The following GBP5 variants were observed in gnomAD, a reference collection of about 807,000 sequenced individuals.
The protein encoded by GBP5 is guanylate-binding protein 5.
GBP5 carries 48 observed loss-of-function variants against 58.2 expected under a neutral mutation model. That is an observed-to-expected ratio of 0.83 (90% CI 0.65 to 1.05). The LOEUF is 1.05. Among genes scored for constraint, GBP5 ranks in the 50% least tolerant of loss-of-function variants. GBP5 has a pLI of 0.00. For missense variants in GBP5, 714 were observed against 686.8 expected (o/e 1.04, Z -0.44); for synonymous variants, 248 against 251.8 (o/e 0.98, Z 0.14).
chr1:89,271,852 C>A (rs1012709005), intron 1 of GBP5: 1 of 152,092 alleles, frequency 6.6e-6, no homozygotes, highest in Non-Finnish European at 1.5e-5. Context: ...AGAAGCAGAA[C>A]CCAACACAAA....
At position 89,272,717 on chromosome 1, in the gene GBP5, C is replaced by G. The variant is rs1333500068; in HGVS notation, c.-393G>C. 6.5e-6 allele frequency: 1 copy of G among 153,384 alleles called. No individual in the cohort carries two copies. The highest frequency in any genetic ancestry group is 1.4e-5 in the Non-Finnish European group (1 of 69,258). The allele number at this position is 153,384 out of a possible 1,614,324, so 9.5% of individuals were successfully genotyped here. ...TCCTCCTGGTGGGTTCGTGGTCTCGCTGGCTTCAGGAGTGAAGCTGCAGAC... is the reference window on the plus strand; with the variant it reads ...TCCTCCTGGTGGGTTCGTGGTCTCGGTGGCTTCAGGAGTGAAGCTGCAGAC... On this transcript the variant is annotated 5_prime_UTR_variant, in exon 1 of 12. Coordinates refer to ENST00000370459, the MANE Select transcript of GBP5 (RefSeq NM_052942.5).
chr1:89,260,592 A>C lies in GBP5; in HGVS notation c.*112T>G. On this transcript the variant is annotated 3_prime_UTR_variant, in exon 12 of 12. Transcript: ENST00000370459. ...TTATAACTCTATATGAAAGTTTGAA[A>C]AAATAATTATAAAGTTTATTTAAAT... The C allele has an allele frequency of 1.4e-6, 1 of 695,194 alleles. No individual in the cohort carries two copies. The highest frequency in any genetic ancestry group is 2.5e-6 in the Non-Finnish European group (1 of 401,934). 43.1% of individuals were successfully genotyped at this position (695,194 alleles called of 1,614,324 possible).
In GBP5 at chr1:89,256,597, G is replaced by A. The variant is rs1040834393; in HGVS notation, c.*4107C>T. ...TGCTTTGAAAGGGAACAAAGATTGT[G>A]TTGAAACTGACTGAGACATGGGGTC... On this transcript the variant is annotated 3_prime_UTR_variant, in exon 12 of 12. Transcript: ENST00000370459. Among the ~76,000 whole-genome samples the A allele has an allele frequency of 2.6e-5, 4 of 152,192 alleles. No individual in the cohort carries two copies. The highest frequency in any genetic ancestry group is 9.6e-5 in the African/African-American group (4 of 41,456).
At chr1:89,263,424 T>C in intron 9 of GBP5, 2 of 255,842 alleles carry the variant, frequency 7.8e-6, no homozygotes, top group South Asian at 9.0e-5. Flanking sequence ...GTTTCAAGTA[T>C]TGGCATTCTG....
Position 89,269,591 on chromosome 1 carries a change from G to A in GBP5, c.-19-17C>T. ...TTACTTTGCCTGCAAGGGAACAGAT[G>A]GGATAGGCTGGAATTTCTGGTGTTT... On this transcript the variant is annotated splice_polypyrimidine_tract_variant and intron_variant, in intron 2 of 11. Coordinates refer to ENST00000370459, the MANE Select transcript of GBP5 (RefSeq NM_052942.5). The A allele has an allele frequency of 6.6e-7, 1 of 1,525,500 alleles. No homozygotes were observed. Among genetic ancestry groups the A allele is most frequent in the Non-Finnish European group, 9.0e-7 (1 of 1,107,322 alleles). 94.5% of individuals were successfully genotyped at this position (1,525,500 alleles called of 1,614,324 possible).
Position 89,264,269 on chromosome 1 carries a change from C to T in GBP5, c.1150-321G>A, listed in dbSNP as rs551842501. ...CCTTCCAGTATTTCAGTGTTTTACT[C>T]GGGATTTCCAATGATAAAGTTCGAA... On this transcript the variant is annotated intron_variant, in intron 8 of 11. Transcript: ENST00000370459. 5.9e-5 allele frequency among the ~76,000 whole-genome samples: 9 copies of T among 152,212 alleles called. 1 individual carries two copies. The South Asian group carries it at 6.2e-4, about 11-fold the overall frequency.
At chr1:89,262,556 T>A (rs531061327) in intron 10 of GBP5, 127 bp downstream of exon 10, 3 of 900,140 alleles carry the variant, frequency 3.3e-6, no homozygotes, top group Non-Finnish European at 5.1e-6. Flanking sequence ...CAGTCAGATA[T>A]GCTTGAGGAG....
rs1435464596 is a variant in GBP5 at position 89,257,513 on chromosome 1, G to T, written c.*3191C>A. ...TTAATGTGGGTTCTAAATTCAAAAG[G>T]CCTTCTGTGGTACTGACCTTAATTT... is the stretch of plus-strand genomic sequence containing the variant. On this transcript the variant is annotated 3_prime_UTR_variant, in exon 12 of 12. Transcript: ENST00000370459. 6.6e-6 allele frequency among the ~76,000 whole-genome samples: 1 copy of T among 152,034 alleles called. No individual in the cohort carries two copies. The highest frequency in any genetic ancestry group is 1.5e-5 in the Non-Finnish European group (1 of 68,006).
At chr1:89,262,124 C>G in intron 11 of GBP5, 96 bp downstream of exon 11, 1 of 1,218,316 alleles carries the variant, frequency 8.2e-7, no homozygotes, top group Admixed American at 1.8e-5. Context: ...AGACTCCCTG[C>G]TGAGAGCCAC....
intron 7 of GBP5, 105 bp from the exon 8 acceptor site, chr1:89,265,071 G>C (rs1650159635): frequency 8.8e-7 from 1 of 1,141,746 alleles, no homozygotes. Context: ...GCCTGAAATT[G>C]TTTAGCATTA....
At chr1:89,269,254 T>C in intron 3 of GBP5, 112 bp downstream of exon 3, 1 of 1,068,930 alleles carries the variant, frequency 9.4e-7, no homozygotes, top group African/African-American at 1.6e-5. Context: ...AGCCTAAACA[T>C]TGGCTTTTAA....
intron 2 of GBP5, chr1:89,270,266 T>C (rs1304509241): frequency 6.6e-6 from 1 of 152,140 alleles, no homozygotes; most frequent in African/African-American, 2.4e-5. Flanking sequence ...CTAAAGAGTC[T>C]CTGGTTAAAA....
chr1:89,262,457 C>T lies in GBP5; in HGVS notation c.1466-56G>A, dbSNP rs185511144. On this transcript the variant is annotated intron_variant, in intron 10 of 11. Coordinates refer to ENST00000370459, the MANE Select transcript of GBP5 (RefSeq NM_052942.5). ...TTAATGTGCCTCTTCCTTCTGCCTC[C>T]CACTTTTGTTTGTGATTGTTCCAAC... 111 of 1,481,508 alleles carry T rather than the reference C, an allele frequency of 7.5e-5. No individual in the cohort carries two copies. The Admixed American group carries it at 2.1e-3, about 28-fold the overall frequency. 91.8% of individuals were successfully genotyped at this position (1,481,508 alleles called of 1,614,324 possible).
In GBP5 at chr1:89,258,534, T is replaced by A. The variant is rs2100711687; in HGVS notation, c.*2170A>T. 6.6e-6 allele frequency among the ~76,000 whole-genome samples: 1 copy of A among 152,314 alleles called. No homozygotes were observed. The highest frequency in any genetic ancestry group is 6.5e-5 in the Admixed American group (1 of 15,298). ...CTGAACTTCAGTTCAAATCTAGAAA[T>A]ACTGCTGAGTAGCACCACATCCTAT... On this transcript the variant is annotated 3_prime_UTR_variant, in exon 12 of 12. Coordinates refer to ENST00000370459, the MANE Select transcript of GBP5 (RefSeq NM_052942.5).
intron 9 of GBP5, 166 bp downstream of exon 9, chr1:89,263,570 C>G: frequency 5.3e-6 from 3 of 571,132 alleles, no homozygotes; most frequent in Non-Finnish European, 9.4e-6. Context: ...AACACCAACA[C>G]CAGGCACATT....
chr1:89,262,429 G>A (rs1211243489), intron 10 of GBP5, 28 bp from the exon 11 acceptor site: 4 of 1,583,090 alleles, frequency 2.5e-6, no homozygotes, highest in Non-Finnish European at 3.5e-6. Flanking sequence ...ATCTTCTCTA[G>A]GATTAATGTG....
chr1:89,265,056 G>T (rs1441781296), intron 7 of GBP5, 90 bp from the exon 8 acceptor site: 1 of 1,251,186 alleles, frequency 8.0e-7, no homozygotes, highest in Non-Finnish European at 1.1e-6. Flanking sequence ...TTTAATAGTT[G>T]CATTGCCTGA....
rs146118174 is a variant in GBP5, at chr1:89,267,071, T to G, written c.511A>C (p.Ser171Arg). The G allele has an allele frequency of 1.8e-4, 291 of 1,613,098 alleles. No homozygotes were observed. Among genetic ancestry groups the G allele is most frequent in the Non-Finnish European group, 2.7e-5 (32 of 1,179,706 alleles). Residue 171 changes from serine (S) to arginine (R), a missense_variant, in exon 6 of 12, where the codon AGC (serine) becomes CGC (arginine). Coordinates refer to ENST00000370459, the MANE Select transcript of GBP5 (RefSeq NM_052942.5). ...DRVEDPADSA[S>R]FFPDLVWTLR... Reference sequence around the variant, plus strand: ...GTCCACACTAAGTCTGGGAAGAAGCTCGCAGAGTCAGCAGGATCTTCAACC... The same window carrying G: ...GTCCACACTAAGTCTGGGAAGAAGCGCGCAGAGTCAGCAGGATCTTCAACC...
intron 7 of GBP5, among the ~76,000 whole-genome samples, chr1:89,265,378 T>A (rs1650167893): frequency 6.6e-6 from 1 of 151,126 alleles, no homozygotes; most frequent in Admixed American, 6.6e-5. Flanking sequence ...TATTTATATA[T>A]ATATTTATTA....
Sources: allele counts gnomAD v4.1 joint callset (sites outside exome capture counted in the v4.1 genomes callset), GRCh38; gene constraint gnomAD v4.1.1; transcripts MANE v1.5; gene names NCBI Gene and HGNC (gene_info 2026-07-23, HGNC 2026-07-21).